The following EXOC3L4 variants were observed in gnomAD, a reference collection of about 807,000 sequenced individuals.
The protein encoded by EXOC3L4 is exocyst complex component 3-like protein 4.
EXOC3L4 carries 62 observed loss-of-function variants against 69.7 expected under a neutral mutation model. The observed-to-expected ratio is 0.89, with a 90% CI of 0.72 to 1.10. The LOEUF (loss-of-function observed/expected upper bound fraction) is 1.10. EXOC3L4 is among the 50% of genes least tolerant of loss of function. The pLI, the probability that EXOC3L4 is intolerant of heterozygous loss-of-function variation, is 0.00. For missense variants in EXOC3L4, 1,087 were observed against 1,034.8 expected, an observed-to-expected ratio of 1.05 and a Z score of -0.69; for synonymous variants, 502 against 464.2, an observed-to-expected ratio of 1.08 and a Z score of -1.05.
chr14:103,105,830 T>C (rs1280459086), intron 7 of EXOC3L4, among the ~76,000 whole-genome samples: 3 of 152,348 alleles, frequency 2.0e-5, no homozygotes, highest in Admixed American at 2.0e-4. Flanking sequence ...TTTATCCTTT[T>C]TTAAAAGTGT....
In EXOC3L4 at chr14:103,110,360, C is replaced by A; in HGVS notation, c.*137C>A. On this transcript the variant is annotated 3_prime_UTR_variant, in exon 12 of 12. Transcript: ENST00000688303. ...GTTAGGGAATTTTTGTCGTCAGCAG[C>A]CAAGCGCAGCTGTCAGGCCAGAAGG... The A allele has an allele frequency of 9.6e-7, 1 of 1,040,430 alleles. No individual in the cohort carries two copies. Among genetic ancestry groups the A allele is most frequent in the Non-Finnish European group, 1.4e-6 (1 of 696,504 alleles). 64.4% of individuals were successfully genotyped at this position (1,040,430 alleles called of 1,614,324 possible).
chr14:103,104,971 G>T lies in EXOC3L4; in HGVS notation c.1386-21G>T, dbSNP rs368534894. The T allele has an allele frequency of 7.0e-4, 1,130 of 1,607,914 alleles. 3 individuals are homozygous for T. Among genetic ancestry groups the T allele is most frequent in the Non-Finnish European group, 8.9e-4 (1,043 of 1,175,646 alleles). On this transcript the variant is annotated intron_variant, in intron 6 of 11. Transcript: ENST00000688303. The stretch of plus-strand genomic sequence containing the variant: ...GCGCAGCTAGGGAGGGTCCCCAAAG[G>T]CTCTGTGTATCCCGCCCCAGGTTTG...
intron 10 of EXOC3L4, 61 bp from the exon 11 acceptor site, chr14:103,108,335 C>T: frequency 6.3e-7 from 1 of 1,590,966 alleles, no homozygotes; most frequent in Non-Finnish European, 8.6e-7. Flanking sequence ...CGCGCTCTTG[C>T]AGGAGTTGGA....
intron 8 of EXOC3L4, 121 bp from the exon 9 acceptor site, chr14:103,107,303 G>A (rs1287088578): frequency 6.9e-7 from 1 of 1,448,742 alleles, no homozygotes; most frequent in Admixed American, 2.0e-5. Flanking sequence ...GTGGCTAGGA[G>A]AGGGAATGGC....
chr14:103,106,839 G>A lies in EXOC3L4; in HGVS notation c.1521G>A (p.Leu507=), dbSNP rs746079388. Residue 507 remains leucine, a synonymous_variant, in exon 8 of 12, where the codon CTG becomes CTA. Coordinates refer to ENST00000688303, the MANE Select transcript of EXOC3L4 (RefSeq NM_001077594.2). The part of the protein sequence containing the change: ...PGTQEELEKP[L]VTATCSFQKH... ...CCCAAGAGGAGCTGGAGAAGCCCCT[G>A]GTGACGGCCACCTGCAGCTTCCAGA... 1.9e-6 allele frequency: 3 copies of A among 1,596,300 alleles called. No homozygotes were observed. Among genetic ancestry groups the A allele is most frequent in the Non-Finnish European group, 2.6e-6 (3 of 1,170,836 alleles).
chr14:103,101,966 T>C, intron 2 of EXOC3L4, 152 bp from the exon 3 acceptor site: 3 of 841,450 alleles, frequency 3.6e-6, no homozygotes, highest in Non-Finnish European at 5.4e-6. Context: ...CTGGGGCCTG[T>C]TGTTCCTGGA....
In EXOC3L4 at chr14:103,104,420, G is replaced by T. The variant is rs1460101615; in HGVS notation, c.1284+31G>T. On this transcript the variant is annotated intron_variant, in intron 5 of 11. Coordinates refer to ENST00000688303, the MANE Select transcript of EXOC3L4 (RefSeq NM_001077594.2). ...GCCCGGGAGCAGGGGCTGAGAAGGG[G>T]CGTCTGTTCAAGCCTCACGCACACG... The T allele has an allele frequency of 3.9e-6, 6 of 1,527,488 alleles. No homozygotes were observed. In the Admixed American group the frequency reaches 1.2e-4, roughly 31 times the overall value. The allele number at this position is 1,527,488 out of a possible 1,614,324, so 94.6% of individuals were successfully genotyped here.
chr14:103,106,696 A>T, intron 7 of EXOC3L4, 89 bp from the exon 8 acceptor site: 1 of 740,210 alleles, frequency 1.4e-6, no homozygotes, highest in Non-Finnish European at 2.2e-6. Context: ...TTCACATTGT[A>T]GTCTAAGTGA....
chr14:103,097,823 G>A lies in EXOC3L4; in HGVS notation c.-16-2381G>A, dbSNP rs563656975. Among the ~76,000 whole-genome samples, 364 of 152,260 alleles carry A rather than the reference G, an allele frequency of 2.4e-3. 3 individuals are homozygous for A. The highest frequency in any genetic ancestry group is 8.2e-3 in the African/African-American group (339 of 41,550). The stretch of plus-strand genomic sequence containing the variant: ...GAAGCTGGAGGCTGGGCGTGCAGCC[G>A]GGAGGACAGAGAAGAAGCTGGGTGG... On this transcript the variant is annotated intron_variant, in intron 1 of 11. Transcript: ENST00000688303. The surrounding 1 kb of genome is among the most constrained non-coding windows in gnomAD (Gnocchi z 4.9).
rs758933457 is a variant in EXOC3L4, at chr14:103,103,922, C to T, written c.1050-19C>T. ...CATCAGAGCCGCTCCCGCCCCCAGC[C>T]CCCTGCCCTGTCTTCCAGTCCTGAC... On this transcript the variant is annotated intron_variant, in intron 3 of 11. Transcript: ENST00000688303. The T allele has an allele frequency of 6.6e-7, 1 of 1,523,780 alleles. No individual in the cohort carries two copies. The highest frequency in any genetic ancestry group is 8.8e-7 in the Non-Finnish European group (1 of 1,135,896). The allele number at this position is 1,523,780 out of a possible 1,614,324, so 94.4% of individuals were successfully genotyped here. A position where few individuals can be genotyped will look rare whatever the true frequency, so the allele number is the denominator to read the frequency against.
In EXOC3L4 at chr14:103,110,337, T is replaced by G; in HGVS notation, c.*114T>G. 7.8e-7 allele frequency: 1 copy of G among 1,285,404 alleles called. No individual in the cohort carries two copies. The highest frequency in any genetic ancestry group is 1.1e-6 in the Non-Finnish European group (1 of 920,616). The allele number at this position is 1,285,404 out of a possible 1,614,324, so 79.6% of individuals were successfully genotyped here. A position where few individuals can be genotyped will look rare whatever the true frequency, so the allele number is the denominator to read the frequency against. On this transcript the variant is annotated 3_prime_UTR_variant, in exon 12 of 12. Transcript: ENST00000688303. ...CTGCCCCCAACTCTGACACTGCAGTTAGGGAATTTTTGTCGTCAGCAGCCA... is the reference window on the plus strand; with the variant it reads ...CTGCCCCCAACTCTGACACTGCAGTGAGGGAATTTTTGTCGTCAGCAGCCA...
At chr14:103,104,906 T>C in intron 6 of EXOC3L4, 68 bp downstream of exon 6, 1 of 1,557,154 alleles carries the variant, frequency 6.4e-7, no homozygotes, top group Non-Finnish European at 8.7e-7. Flanking sequence ...GGGAGGAGTC[T>C]GCGTAGGGAC....
In EXOC3L4 at chr14:103,097,792, G is replaced by A. The variant is rs1215026110; in HGVS notation, c.-16-2412G>A. 1.3e-5 allele frequency among the ~76,000 whole-genome samples: 2 copies of A among 152,200 alleles called. No homozygotes were observed. Among genetic ancestry groups the A allele is most frequent in the Non-Finnish European group, 1.5e-5 (1 of 68,034 alleles). On this transcript the variant is annotated intron_variant, in intron 1 of 11. Transcript: ENST00000688303. The surrounding 1 kb of genome is among the most constrained non-coding windows in gnomAD (Gnocchi z 4.9). ...ACAGGGGCCAGGAAAGGGAATGGCC[G>A]GAGGGGAAGCTGGAGGCTGGGCGTG...
At chr14:103,108,842 A>AGACCTGGTC (rs1466156825) in intron 11 of EXOC3L4, among the ~76,000 whole-genome samples, 9 of 152,080 alleles carry the variant, frequency 5.9e-5, no homozygotes, top group Non-Finnish European at 1.3e-4. Flanking sequence ...GGTCAGGAGG[A>AGACCTGGTC]AGGAGGTTTT....
At chr14:103,096,498 G>A (rs1889893937) in intron 1 of EXOC3L4, among the ~76,000 whole-genome samples, 1 of 149,038 alleles carries the variant, frequency 6.7e-6, no homozygotes, top group South Asian at 2.1e-4. Flanking sequence ...CAGCTCAAAT[G>A]CCTGGGTTTA....
chr14:103,108,247 G>T lies in EXOC3L4; in HGVS notation c.1855-149G>T. On this transcript the variant is annotated intron_variant, in intron 10 of 11. Transcript: ENST00000688303. The stretch of plus-strand genomic sequence containing the variant: ...CCAGGCACGCTCCCGTTCTGTTTTG[G>T]GGGAGGCAGTCCCGGCACCGAGCCA... The T allele has an allele frequency of 3.3e-6, 4 of 1,227,304 alleles. No individual in the cohort carries two copies. The South Asian group carries it at 4.3e-5, about 13-fold the overall frequency. The allele number at this position is 1,227,304 out of a possible 1,614,324, so 76.0% of individuals were successfully genotyped here. A position where few individuals can be genotyped will look rare whatever the true frequency, so the allele number is the denominator to read the frequency against.
At chr14:103,109,045 A>T (rs1890747691) in intron 11 of EXOC3L4, among the ~76,000 whole-genome samples, 1 of 151,568 alleles carries the variant, frequency 6.6e-6, no homozygotes, top group African/African-American at 2.4e-5. Flanking sequence ...CCTGTCTTCC[A>T]GGCTGTGGCT....
Position 103,102,398 on chromosome 14 carries a change from C to A in EXOC3L4, c.675C>A (p.His225Gln), listed in dbSNP as rs1437555245. The A allele has an allele frequency of 1.3e-6, 2 of 1,541,262 alleles. No individual in the cohort carries two copies. The highest frequency in any genetic ancestry group is 1.7e-6 in the Non-Finnish European group (2 of 1,152,290). ...TGGTGAGCGCGGAGGAGGAAGCCCACCCTTCTCCCCCCGACGACGGCGACT... is the reference window on the plus strand; with the variant it reads ...TGGTGAGCGCGGAGGAGGAAGCCCAACCTTCTCCCCCCGACGACGGCGACT... ...ARVVSAEEEA[H>Q]PSPPDDGDFL... Residue 225 changes from histidine (H) to glutamine (Q), a missense_variant, in exon 3 of 12, where the codon CAC (histidine) becomes CAA (glutamine). By Grantham distance (24) the His-to-Gln change is conservative. Coordinates refer to ENST00000688303, the MANE Select transcript of EXOC3L4 (RefSeq NM_001077594.2).
intron 2 of EXOC3L4, among the ~76,000 whole-genome samples, chr14:103,101,632 T>A (rs1396023965): frequency 6.6e-6 from 1 of 151,992 alleles, no homozygotes; most frequent in Non-Finnish European, 1.5e-5. Flanking sequence ...GTCAGGGGGA[T>A]TGCCCAGAGG....
Sources: allele counts gnomAD v4.1 joint callset (sites outside exome capture counted in the v4.1 genomes callset), GRCh38; gene constraint gnomAD v4.1.1; non-coding constraint Gnocchi (gnomAD v3.1); transcripts MANE v1.5; gene names NCBI Gene and HGNC (gene_info 2026-07-23, HGNC 2026-07-21).